Variants in SOS1 observed in about 807,000 individuals in gnomAD.
SOS1 encodes son of sevenless homolog 1.
A neutral mutation model predicts 157.6 loss-of-function variants in SOS1; 25 were observed. That is an observed-to-expected ratio of 0.16 (90% CI 0.12 to 0.22). The LOEUF is 0.22. Among genes scored for constraint, SOS1 ranks in the 10% least tolerant of loss-of-function variants. The pLI is 1.00. For missense variants in SOS1, 1,237 were observed against 1,599.1 expected, an observed-to-expected ratio of 0.77 and a Z score of 3.86; for synonymous variants, 528 against 534.0, an observed-to-expected ratio of 0.99 and a Z score of 0.16.
chr2:38,996,683 A>C (rs1053456538), intron 19 of SOS1, among the ~76,000 whole-genome samples: 1 of 152,208 alleles, frequency 6.6e-6, no homozygotes, highest in African/African-American at 2.4e-5. Context: ...GGGTAAAAAA[A>C]ATTAAAAACT....
chr2:39,118,871 C>G (rs538358043), intron 1 of SOS1, among the ~76,000 whole-genome samples: 1 of 152,364 alleles, frequency 6.6e-6, no homozygotes, highest in South Asian at 2.1e-4. Context: ...TAAACAACGT[C>G]TGTCAACTCC....
At chr2:39,032,295 C>T (rs995272074) in intron 8 of SOS1, among the ~76,000 whole-genome samples, 1 of 152,208 alleles carries the variant, frequency 6.6e-6, no homozygotes, top group Admixed American at 6.5e-5. Flanking sequence ...CCCTACCCTC[C>T]AGCCTCTGGT....
chr2:38,989,241 AT>A, intron 21 of SOS1, 28 bp downstream of exon 21: 1 of 1,517,998 alleles, frequency 6.6e-7, no homozygotes, highest in Non-Finnish European at 9.1e-7. Context: ...CAAAGCAAGA[AT>A]TATGAGTCTT....
At chr2:39,011,336 A>G (rs1244083226) in intron 14 of SOS1, among the ~76,000 whole-genome samples, 4 of 152,214 alleles carry the variant, frequency 2.6e-5, no homozygotes, top group Non-Finnish European at 4.4e-5. Flanking sequence ...TTATTAATAA[A>G]TTAGGGTGAC....
rs188409900 is a variant in SOS1 at position 39,056,395 on chromosome 2, C to T, written c.510+307G>A. On this transcript the variant is annotated intron_variant, in intron 4 of 22. Coordinates refer to ENST00000402219, the MANE Select transcript of SOS1 (RefSeq NM_005633.4). The stretch of plus-strand genomic sequence containing the variant: ...CTGTGCCACTGCACTCCAGCCTGGG[C>T]GACAGAGTGAGATTCCGTCTCAAAA... Among the ~76,000 whole-genome samples, 7 of 151,406 alleles carry T rather than the reference C, an allele frequency of 4.6e-5. No individual in the cohort carries two copies. In the East Asian group the frequency reaches 5.8e-4, roughly 13 times the overall value.
chr2:39,031,871 G>A (rs920657891), intron 8 of SOS1, among the ~76,000 whole-genome samples: 6 of 152,096 alleles, frequency 3.9e-5, no homozygotes, highest in Non-Finnish European at 8.8e-5. Flanking sequence ...GGGCACAAAG[G>A]AAGTTTTTTT....
chr2:39,096,202 AGAAG>A (rs980750726), intron 1 of SOS1, among the ~76,000 whole-genome samples: 4 of 152,238 alleles, frequency 2.6e-5, no homozygotes, highest in African/African-American at 9.6e-5. Flanking sequence ...AGTTTTTAAA[AGAAG>A]GAAGAGGATA....
At chr2:39,034,073 T>C (rs1485462043) in intron 8 of SOS1, among the ~76,000 whole-genome samples, 1 of 152,250 alleles carries the variant, frequency 6.6e-6, no homozygotes, top group Non-Finnish European at 1.5e-5. Context: ...CTCTTGATTA[T>C]CCTCTTAAGA....
chr2:39,101,688 A>G (rs997256277), intron 1 of SOS1, among the ~76,000 whole-genome samples: 2 of 148,098 alleles, frequency 1.4e-5, no homozygotes, highest in African/African-American at 2.7e-5. Context: ...TGTCTCCTCC[A>G]TAAAATGCTT....
Position 39,100,056 on chromosome 2 carries a change from C to T in SOS1, c.87+20280G>A, listed in dbSNP as rs538457879. 7.2e-5 allele frequency among the ~76,000 whole-genome samples: 11 copies of T among 152,230 alleles called. No individual in the cohort carries two copies. The South Asian group carries it at 2.3e-3, about 32-fold the overall frequency. ...CTGAAGAAGACATACTAATGACAAA[C>T]AGGTATATGAAAAGGTACTCAACAT... On this transcript the variant is annotated intron_variant, in intron 1 of 22. Transcript: ENST00000402219.
chr2:39,085,883 G>A (rs535229183), intron 1 of SOS1, among the ~76,000 whole-genome samples: 4 of 152,226 alleles, frequency 2.6e-5, no homozygotes, highest in East Asian at 3.9e-4. Context: ...TACAATAGGG[G>A]AACTAGACAT....
At chr2:39,090,164 G>A (rs1480083636) in intron 1 of SOS1, among the ~76,000 whole-genome samples, 1 of 149,348 alleles carries the variant, frequency 6.7e-6, no homozygotes, top group East Asian at 2.0e-4. Flanking sequence ...AAAACACTCT[G>A]TGCATAAACA....
chr2:39,061,625 T>C (rs1277752140), intron 2 of SOS1, among the ~76,000 whole-genome samples: 1 of 152,138 alleles, frequency 6.6e-6, no homozygotes, highest in Admixed American at 6.6e-5. Context: ...GAGCTCAAAG[T>C]GATCCTTCTG....
rs1671993854 is a variant in SOS1, at chr2:39,076,262, TGG to T, written c.88-8511_88-8510del. On this transcript the variant is annotated intron_variant, in intron 1 of 22. Transcript: ENST00000402219. ...CCAAAATACAAAAATTAGCCAGGCA[TGG>T]TAGCACACATCTGTGGTCCCAGTTA... 2.0e-5 allele frequency among the ~76,000 whole-genome samples: 3 copies of T among 152,134 alleles called. No individual in the cohort carries two copies. The South Asian group carries it at 6.2e-4, about 31-fold the overall frequency.
intron 1 of SOS1, among the ~76,000 whole-genome samples, chr2:39,085,868 A>C (rs1054025674): frequency 2.0e-5 from 3 of 152,240 alleles, no homozygotes; most frequent in African/African-American, 7.2e-5. Context: ...CAAGGAGCTT[A>C]GAAGTACAAT....
chr2:39,033,546 G>T (rs1572839763), intron 8 of SOS1, among the ~76,000 whole-genome samples: 1 of 151,928 alleles, frequency 6.6e-6, no homozygotes, highest in African/African-American at 2.4e-5. Flanking sequence ...GTTTTGTTTT[G>T]TATTTTTGAG....
rs193043937 is a variant in SOS1, at chr2:39,006,378, G to C, written c.2791+34C>G. On this transcript the variant is annotated intron_variant, in intron 17 of 22. Coordinates refer to ENST00000402219, the MANE Select transcript of SOS1 (RefSeq NM_005633.4). The stretch of plus-strand genomic sequence containing the variant: ...TGAAATGAGTGTTTTGTTTTATCCA[G>C]AAATGCAATAAAAATTCAGAAAGAA... 5.4e-4 allele frequency: 528 copies of C among 984,510 alleles called. 4 individuals carry two copies. In the African/African-American group the frequency reaches 6.5e-3, roughly 12 times the overall value. 61.0% of individuals were successfully genotyped at this position (984,510 alleles called of 1,614,324 possible).
intron 10 of SOS1, among the ~76,000 whole-genome samples, chr2:39,017,108 G>A (rs1669655649): frequency 2.0e-5 from 3 of 152,018 alleles, no homozygotes; most frequent in African/African-American, 2.4e-5. Flanking sequence ...TTTATGTGAG[G>A]TGAGCAGGGC....
chr2:39,112,333 T>C (rs890135124), intron 1 of SOS1, among the ~76,000 whole-genome samples: 1 of 152,120 alleles, frequency 6.6e-6, no homozygotes, highest in Non-Finnish European at 1.5e-5. Context: ...GCAATTCCTC[T>C]CTCTCCCTCT....
Sources: allele counts gnomAD v4.1 joint callset (sites outside exome capture counted in the v4.1 genomes callset), GRCh38; gene constraint gnomAD v4.1.1; transcripts MANE v1.5; gene names NCBI Gene and HGNC (gene_info 2026-07-23, HGNC 2026-07-21).